Variants in MYRF observed in about 807,000 individuals in gnomAD.
MYRF encodes the protein myelin gene regulatory factor.
A neutral mutation model predicts 126.3 loss-of-function variants in MYRF; 16 were observed. The observed-to-expected ratio is 0.13, with a 90% CI of 0.09 to 0.19. The LOEUF (loss-of-function observed/expected upper bound fraction) is 0.19. Among genes scored for constraint, MYRF ranks in the 10% least tolerant of loss-of-function variants. MYRF has a pLI of 1.00. For synonymous variants in MYRF, 608 were observed against 635.3 expected (o/e 0.96, Z 0.65); for missense variants, 1,104 against 1,547.0 (o/e 0.71, Z 4.80).
At position 61,783,582 on chromosome 11, in the gene MYRF, C is replaced by T; in HGVS notation, c.3101C>T (p.Ala1034Val). Residue 1034 changes from alanine to valine, a missense_variant, in exon 23 of 27, where the codon GCT (alanine) becomes GTT (valine). This residue lies in a region of MYRF where 94 missense variants were observed against 164.6 expected (regional missense o/e 0.57). Transcript: ENST00000278836. The surrounding 1 kb of genome is among the most constrained non-coding windows in gnomAD (Gnocchi z 4.6). ...NSMSITSQYC[A>V]PGDACRPGNF... is the part of the protein sequence containing the mutation. ...ATGTCCATCACCTCCCAGTACTGTG[C>T]TCCAGGGGATGCCTGCAGGTGGGCT... 2 of 1,613,664 alleles carry T rather than the reference C, an allele frequency of 1.2e-6. No individual in the cohort carries two copies. Among genetic ancestry groups the T allele is most frequent in the Non-Finnish European group, 1.7e-6 (2 of 1,179,882 alleles).
Position 61,787,520 on chromosome 11 carries a change from T to C in MYRF, c.*1377T>C, listed in dbSNP as rs2066721590. ...CTTGCCCCTGTCCCACCACTCATTC[T>C]CAGCTTTGAATGGGAGGCCTTTCTA... On this transcript the variant is annotated 3_prime_UTR_variant, in exon 27 of 27. Transcript: ENST00000278836. 6.5e-6 allele frequency: 1 copy of C among 152,794 alleles called. No homozygotes were observed. The highest frequency in any genetic ancestry group is 2.1e-4 in the South Asian group (1 of 4,832). The allele number at this position is 152,794 out of a possible 1,614,324, so 9.5% of individuals were successfully genotyped here.
rs778946331 is a variant in MYRF, at chr11:61,778,471, C to T, written c.1995C>T (p.Asn665=). 6.2e-7 allele frequency: 1 copy of T among 1,613,848 alleles called. No individual in the cohort carries two copies. Among genetic ancestry groups the T allele is most frequent in the Non-Finnish European group, 8.5e-7 (1 of 1,179,772 alleles). The stretch of plus-strand genomic sequence containing the variant: ...TTGCCAATGGGAAAACCATAGAGAA[C>T]TTCCTGGTGGTGAACAAGGTCTGTG... The part of the protein sequence containing the change: ...MVFANGKTIE[N]FLVVNKERIF... The change falls in exon 14 of 27, where the codon AAC becomes AAT. Residue 665 remains asparagine, a synonymous_variant. Transcript: ENST00000278836. The surrounding 1 kb of genome is among the most constrained non-coding windows in gnomAD (Gnocchi z 4.6).
Position 61,780,196 on chromosome 11 carries a change from A to G in MYRF, c.2337-26A>G, listed in dbSNP as rs542207945. The G allele has an allele frequency of 2.5e-6, 4 of 1,613,148 alleles. No individual in the cohort carries two copies. The East Asian group carries it at 6.7e-5, about 27-fold the overall frequency. On this transcript the variant is annotated intron_variant, in intron 17 of 26. Coordinates refer to ENST00000278836, the MANE Select transcript of MYRF (RefSeq NM_001127392.3). ...GCACTGGATGGTGGCTCCAGCTCTA[A>G]CGGTCACCCTTTTCTGTGGCTCCAG...
chr11:61,767,111 A>G (rs757443759), intron 3 of MYRF: 3 of 456,206 alleles, frequency 6.6e-6, no homozygotes, highest in African/African-American at 4.0e-5. Context: ...GGCCATGGAC[A>G]CATGGCCGGC....
intron 1 of MYRF, among the ~76,000 whole-genome samples, chr11:61,761,259 T>TGG (rs35744830): frequency 0.32 from 24,537 of 76,786 alleles, 2,863 homozygotes; most frequent in East Asian, 0.47. Flanking sequence ...CCACAGCTGG[T>TGG]GGGGGGGGGG....
chr11:61,762,377 G>A (rs749611809), intron 1 of MYRF, among the ~76,000 whole-genome samples: 2 of 152,350 alleles, frequency 1.3e-5, no homozygotes, highest in Admixed American at 1.3e-4. Context: ...TGCTGTTTTC[G>A]GGTTATTGGG....
Position 61,778,840 on chromosome 11 carries a change from G to A in MYRF, c.2013+351G>A, listed in dbSNP as rs550227657. On this transcript the variant is annotated intron_variant, in intron 14 of 26. Coordinates refer to ENST00000278836, the MANE Select transcript of MYRF (RefSeq NM_001127392.3). This position sits in a 1 kb window ranked among gnomAD's most constrained non-coding sequence, Gnocchi z 4.6. ...ATACGTGGTTTATTGTGAGGACGAC[G>A]TTTGTCACTTACCTGTCCTGAGTCT... 1.1e-5 allele frequency: 6 copies of A among 548,632 alleles called. No individual in the cohort carries two copies. Among genetic ancestry groups the A allele is most frequent in the African/African-American group, 5.6e-5 (3 of 53,688 alleles). The allele number at this position is 548,632 out of a possible 1,614,324, so 34.0% of individuals were successfully genotyped here.
At position 61,766,152 on chromosome 11, in the gene MYRF, C is replaced by T. The variant is rs780025416; in HGVS notation, c.329C>T (p.Ala110Val). The change falls in exon 3 of 27, where the codon GCC becomes GTC. Residue 110 changes from alanine to valine, a missense_variant. Transcript: ENST00000278836. The stretch of plus-strand genomic sequence containing the variant: ...AACAACAACAACGGCATGGGCGCTG[C>T]CCCCAAGCCCTTCCCGGGGGGCACC... ...NCNNNNGMGA[A>V]PKPFPGGTGP... The T allele has an allele frequency of 3.1e-6, 5 of 1,611,460 alleles. No individual in the cohort carries two copies. Among genetic ancestry groups the T allele is most frequent in the Non-Finnish European group, 4.2e-6 (5 of 1,179,548 alleles).
intron 1 of MYRF, among the ~76,000 whole-genome samples, chr11:61,765,214 G>A (rs1002659281): frequency 7.9e-5 from 12 of 152,200 alleles, no homozygotes; most frequent in Admixed American, 6.5e-5. Flanking sequence ...GGCACCCACG[G>A]GGCTCTCGAC....
At position 61,752,723 on chromosome 11, in the gene MYRF, G is replaced by C. The variant is rs2065640207; in HGVS notation, c.-22G>C. The C allele has an allele frequency of 1.4e-6, 2 of 1,440,086 alleles. No individual in the cohort carries two copies. The highest frequency in any genetic ancestry group is 6.3e-5 in the Admixed American group (2 of 31,846). 89.2% of individuals were successfully genotyped at this position (1,440,086 alleles called of 1,614,324 possible). A position where few individuals can be genotyped will look rare whatever the true frequency, so the allele number is the denominator to read the frequency against. The stretch of plus-strand genomic sequence containing the variant: ...GGGCTGTAGCGGGGCCGCGGCTGGA[G>C]TGTGCGCCGGGCAGGCGGGACATGG... On this transcript the variant is annotated 5_prime_UTR_variant, in exon 1 of 27. Coordinates refer to ENST00000278836, the MANE Select transcript of MYRF (RefSeq NM_001127392.3).
At chr11:61,780,018 G>A in intron 17 of MYRF, 88 bp downstream of exon 17, 2 of 1,308,082 alleles carry the variant, frequency 1.5e-6, no homozygotes, top group Non-Finnish European at 2.2e-6. Context: ...CAGGCCTGGG[G>A]GAAGAGGAGG....
At chr11:61,759,558 T>A (rs2065849498) in intron 1 of MYRF, among the ~76,000 whole-genome samples, 1 of 151,970 alleles carries the variant, frequency 6.6e-6, no homozygotes, top group Non-Finnish European at 1.5e-5. Context: ...TAGTCCCAGC[T>A]CCTTGGGAGG....
rs954608084 is a variant in MYRF at position 61,783,376 on chromosome 11, G to GA, written c.3017-115dup. 12 of 773,982 alleles carry GA rather than the reference G, an allele frequency of 1.6e-5. No individual in the cohort carries two copies. Among genetic ancestry groups the GA allele is most frequent in the Non-Finnish European group, 2.4e-5 (11 of 453,214 alleles). 47.9% of individuals were successfully genotyped at this position (773,982 alleles called of 1,614,324 possible). A position where few individuals can be genotyped will look rare whatever the true frequency, so the allele number is the denominator to read the frequency against. On this transcript the variant is annotated intron_variant, in intron 22 of 26. Coordinates refer to ENST00000278836, the MANE Select transcript of MYRF (RefSeq NM_001127392.3). This position sits in a 1 kb window ranked among gnomAD's most constrained non-coding sequence, Gnocchi z 4.6. ...TGATGCTGGCCATTGTGGAGGTCTG[G>GA]AAAAAAATAACCTGGAACTTATTCA...
At chr11:61,767,946 T>A (rs760475881) in intron 3 of MYRF, among the ~76,000 whole-genome samples, 4 of 150,296 alleles carry the variant, frequency 2.7e-5, no homozygotes, top group Non-Finnish European at 4.4e-5. Context: ...GGTGAAACCC[T>A]GTCTGTACTA....
chr11:61,762,541 A>G (rs548969220), intron 1 of MYRF, among the ~76,000 whole-genome samples: 10 of 151,694 alleles, frequency 6.6e-5, no homozygotes, highest in Admixed American at 6.6e-4. Context: ...CTCTTTTGGG[A>G]GCAGTGGGGA....
chr11:61,756,621 TG>T (rs2065765674), intron 1 of MYRF, among the ~76,000 whole-genome samples: 1 of 68,482 alleles, frequency 1.5e-5, no homozygotes, highest in African/African-American at 6.1e-5. Context: ...AGGGCAGGGG[TG>T]GGGGGTGGGC....
In MYRF at chr11:61,774,082, C is replaced by G. The variant is rs764556457; in HGVS notation, c.1231C>G (p.Leu411Val). ...CCAGGTGACAGTGTACATCGGCATG[C>G]TGGGCGAGCCCAAGTACGTCAAGAC... is the stretch of plus-strand genomic sequence containing the variant. Reference protein sequence around the residue: ...HFQVTVYIGMLGEPKYVKTPE... With the variant: ...HFQVTVYIGMVGEPKYVKTPE... Residue 411 changes from leucine (L) to valine (V), a missense_variant, in exon 8 of 27, where the codon CTG becomes GTG. Coordinates refer to ENST00000278836, the MANE Select transcript of MYRF (RefSeq NM_001127392.3). The G allele has an allele frequency of 1.2e-6, 2 of 1,613,922 alleles. No homozygotes were observed. Among genetic ancestry groups the G allele is most frequent in the South Asian group, 2.2e-5 (2 of 91,086 alleles).
At position 61,779,403 on chromosome 11, in the gene MYRF, C is replaced by T. The variant is rs201651661; in HGVS notation, c.2154C>T (p.Thr718=). The T allele has an allele frequency of 6.3e-5, 97 of 1,551,182 alleles. No homozygotes were observed. The Admixed American group carries it at 6.9e-4, about 11-fold the overall frequency. ...GGCGGCTCGACAGCCTCAAGTCCAC[C>T]GGCAGCTCGGGCGCCTTCAGGTAGG... ...KLRRLDSLKS[T]GSSGAFSHAG... Residue 718 remains threonine (T), a synonymous_variant, in exon 15 of 27, where the codon ACC becomes ACT. Transcript: ENST00000278836.
rs1484510835 is a variant in MYRF at position 61,782,140 on chromosome 11, C to T, written c.3016+316C>T. On this transcript the variant is annotated intron_variant, in intron 22 of 26. Transcript: ENST00000278836. The stretch of plus-strand genomic sequence containing the variant: ...GCAGGGCTTGTATTTGATCCCGAGC[C>T]TGGCTCCTCCTTCGCCATGCCAGCA... The T allele has an allele frequency of 1.3e-5, 4 of 312,230 alleles. No homozygotes were observed. In the East Asian group the frequency reaches 1.5e-4, roughly 12 times the overall value. The allele number at this position is 312,230 out of a possible 1,614,324, so 19.3% of individuals were successfully genotyped here.
Sources: gnomAD v4.1 joint callset for allele counts (sites outside exome capture counted in the v4.1 genomes callset) on GRCh38, gnomAD v4.1.1 for gene constraint, gnomAD v4.1.1 regional missense constraint, Gnocchi (gnomAD v3.1) non-coding constraint, MANE v1.5 for transcripts, NCBI Gene and HGNC (gene_info 2026-07-23, HGNC 2026-07-21) for gene names.